ANKRD36C: variants seen among roughly 807,000 people sequenced by gnomAD.
ANKRD36C encodes ankyrin repeat domain-containing protein 36C.
ANKRD36C carries 61 observed loss-of-function variants against 276.4 expected under a neutral mutation model. The observed-to-expected ratio is 0.22, with a 90% confidence interval of 0.18 to 0.27. ANKRD36C has a LOEUF of 0.27. Among genes scored for constraint, ANKRD36C ranks in the 10% least tolerant of loss-of-function variants. The pLI, the probability that ANKRD36C is intolerant of heterozygous loss-of-function variation, is 1.00. For synonymous variants in ANKRD36C, 483 were observed against 680.1 expected (o/e 0.71, Z 4.51); for missense variants, 1,447 against 2,032.3 (o/e 0.71, Z 5.54).
At chr2:95,966,350 T>G (rs1472430091) in intron 6 of ANKRD36C, among the ~76,000 whole-genome samples, 1 of 152,208 alleles carries the variant, frequency 6.6e-6, no homozygotes, top group African/African-American at 2.4e-5. Context: ...TTGTATAAAG[T>G]GTAAGGAAGG....
In ANKRD36C at chr2:95,941,928, C is replaced by T. The variant is rs547914142; in HGVS notation, c.1492-729G>A. The stretch of plus-strand genomic sequence containing the variant: ...GTAGAAAATACAAAATTTGGTGAGT[C>T]ACTGGATTGGCAATGTGAGGGAAAC... On this transcript the variant is annotated intron_variant, in intron 19 of 66. Transcript: ENST00000456556. Among the ~76,000 whole-genome samples the T allele has an allele frequency of 2.0e-5, 3 of 152,424 alleles. No individual in the cohort carries two copies. The South Asian group carries it at 6.2e-4, about 32-fold the overall frequency.
At chr2:95,985,982 C>G (rs1308810230) in intron 3 of ANKRD36C, among the ~76,000 whole-genome samples, 1 of 152,026 alleles carries the variant, frequency 6.6e-6, no homozygotes, top group African/African-American at 2.4e-5. Context: ...GTGTTCTTCT[C>G]TCTGCTGAAC....
At chr2:95,956,361 T>A (rs542801593) in intron 13 of ANKRD36C, among the ~76,000 whole-genome samples, 1 of 152,194 alleles carries the variant, frequency 6.6e-6, no homozygotes, top group Admixed American at 6.5e-5. Flanking sequence ...TTTTGGAGTA[T>A]CCAGGCTTCT....
chr2:95,911,970 C>G (rs1676940821), intron 42 of ANKRD36C, among the ~76,000 whole-genome samples: 1 of 151,426 alleles, frequency 6.6e-6, no homozygotes, highest in Non-Finnish European at 1.5e-5. Context: ...AGAATTAAAG[C>G]AAAACTATGC....
chr2:95,866,143 A>G (rs1675679107), intron 60 of ANKRD36C, among the ~76,000 whole-genome samples: 1 of 152,044 alleles, frequency 6.6e-6, no homozygotes, highest in South Asian at 2.1e-4. Context: ...AGGAAACTCA[A>G]AATGGAGCAC....
chr2:95,912,375 C>A, intron 41 of ANKRD36C, 32 bp downstream of exon 43: 1 of 1,603,642 alleles, frequency 6.2e-7, no homozygotes, highest in Non-Finnish European at 8.5e-7. Context: ...TTTACGTTTA[C>A]TAGCTCACAA....
chr2:95,887,968 C>T (rs771086766), exon 50 of ANKRD36C: 84 of 1,599,322 alleles, frequency 5.3e-5, no homozygotes, highest in Non-Finnish European at 6.4e-5. Flanking sequence ...TGGGTATATT[C>T]GAAACAGAAT....
At chr2:95,931,621 T>A (rs563874932) in intron 24 of ANKRD36C, among the ~76,000 whole-genome samples, 2 of 147,454 alleles carry the variant, frequency 1.4e-5, no homozygotes. Flanking sequence ...TGCACCAAAA[T>A]CTTCAGAAAT....
chr2:95,920,981 G>T (rs112530275), intron 34 of ANKRD36C, among the ~76,000 whole-genome samples: 2 of 150,158 alleles, frequency 1.3e-5, no homozygotes, highest in Admixed American at 6.6e-5. Flanking sequence ...TTCTAGCATT[G>T]TTTCCTGCTT....
chr2:95,853,829 A>G (rs761864291), exon 64 of ANKRD36C: 6 of 1,609,044 alleles, frequency 3.7e-6, no homozygotes, highest in Non-Finnish European at 5.1e-6. Flanking sequence ...TTAAGACATC[A>G]TCTTGTTTTT....
rs535752071 is a variant in ANKRD36C, at chr2:95,863,936, A to T, written c.3682+3504T>A. Among the ~76,000 whole-genome samples the T allele has an allele frequency of 5.3e-5, 8 of 152,236 alleles. No homozygotes were observed. The South Asian group carries it at 1.7e-3, about 32-fold the overall frequency. The stretch of plus-strand genomic sequence containing the variant: ...CATTTGTCCAAATCCATACATGTAC[A>T]GTACCAAGAGTGAACCCCAATGCAA... On this transcript the variant is annotated intron_variant, in intron 60 of 66. Transcript: ENST00000456556.
rs574507629 is a variant in ANKRD36C at position 95,918,147 on chromosome 2, G to A, written c.2246-105C>T. On this transcript the variant is annotated intron_variant, in intron 34 of 66. Coordinates refer to ENST00000456556, the Ensembl canonical transcript of ANKRD36C. ...AAGCTGTATCCTTCTGCCTGTACTA[G>A]TGTAGGCTCTGATGTCTTCTACTTT... 9 of 1,496,900 alleles carry A rather than the reference G, an allele frequency of 6.0e-6. No individual in the cohort carries two copies. The African/African-American group carries it at 9.6e-5, about 16-fold the overall frequency. The allele number at this position is 1,496,900 out of a possible 1,614,324, so 92.7% of individuals were successfully genotyped here. A position where few individuals can be genotyped will look rare whatever the true frequency, so the allele number is the denominator to read the frequency against.
At position 95,903,021 on chromosome 2, in the gene ANKRD36C, C is replaced by G. The variant is rs1359408387; in HGVS notation, c.2654-3685G>C. 2.5e-5 allele frequency: 39 copies of G among 1,570,280 alleles called. 2 individuals are homozygous for G. Among genetic ancestry groups the G allele is most frequent in the Non-Finnish European group, 3.3e-5 (38 of 1,156,386 alleles). On this transcript the variant is annotated intron_variant, in intron 42 of 66. Transcript: ENST00000456556. ...GTATGCTTCATAGACTATACATTTACTAGTTCACAATATAAATGACAGTTT... is the reference window on the plus strand; with the variant it reads ...GTATGCTTCATAGACTATACATTTAGTAGTTCACAATATAAATGACAGTTT...
At chr2:95,873,614 G>C (rs1278451550) in intron 59 of ANKRD36C, among the ~76,000 whole-genome samples, 1 of 152,220 alleles carries the variant, frequency 6.6e-6, no homozygotes, top group Admixed American at 6.5e-5. Context: ...GCACAAGAGG[G>C]CACAAGACAG....
intron 12 of ANKRD36C, among the ~76,000 whole-genome samples, chr2:95,957,114 G>A (rs868439885): frequency 8.6e-5 from 13 of 152,024 alleles, no homozygotes; most frequent in South Asian, 4.1e-4. Flanking sequence ...TCAGGAGTTC[G>A]AAACCAACCT....
intron 5 of ANKRD36C, among the ~76,000 whole-genome samples, chr2:95,979,754 A>G (rs766850347): frequency 1.3e-5 from 2 of 152,014 alleles, no homozygotes; most frequent in Non-Finnish European, 1.5e-5. Flanking sequence ...AACTATCCCA[A>G]CTAATATTTG....
intron 60 of ANKRD36C, among the ~76,000 whole-genome samples, chr2:95,862,194 A>G (rs1675602097): frequency 6.6e-6 from 1 of 152,108 alleles, no homozygotes; most frequent in African/African-American, 2.4e-5. Flanking sequence ...AAGAAGGCAG[A>G]AAATCAGCGA....
intron 44 of ANKRD36C, among the ~76,000 whole-genome samples, chr2:95,893,122 T>A (rs1349698290): frequency 6.6e-6 from 1 of 151,432 alleles, no homozygotes; most frequent in East Asian, 2.0e-4. Flanking sequence ...GGGGTCTCCT[T>A]AGTTCTCCTA....
intron 6 of ANKRD36C, among the ~76,000 whole-genome samples, chr2:95,974,000 A>G (rs1678753663): frequency 6.6e-6 from 1 of 151,962 alleles, no homozygotes; most frequent in Non-Finnish European, 1.5e-5. Context: ...GCAGTGAGCT[A>G]TGATCACACT....
Sources: gnomAD v4.1 joint callset for allele counts (sites outside exome capture counted in the v4.1 genomes callset) on GRCh38, gnomAD v4.1.1 for gene constraint, MANE v1.5 for transcripts, NCBI Gene and HGNC (gene_info 2026-07-23, HGNC 2026-07-21) for gene names.